Variants in CCDC91 observed in about 807,000 individuals in gnomAD.
CCDC91 encodes the protein coiled-coil domain containing 91.
CCDC91 carries 48 observed loss-of-function variants against 63.2 expected under a neutral mutation model. The ratio of observed to expected loss-of-function variants is 0.76; its 90% confidence interval spans 0.60 to 0.97. The LOEUF (loss-of-function observed/expected upper bound fraction) is 0.97. Among genes scored for constraint, CCDC91 ranks in the 50% least tolerant of loss-of-function variants. The pLI, the probability that CCDC91 is intolerant of heterozygous loss-of-function variation, is 0.00. For missense variants in CCDC91, 500 were observed against 494.6 expected (o/e 1.01, Z -0.10); for synonymous variants, 167 against 165.8 (o/e 1.01, Z -0.06).
chr12:28,377,078 T>A (rs941462879), intron 7 of CCDC91, among the ~76,000 whole-genome samples: 3 of 151,638 alleles, frequency 2.0e-5, no homozygotes, highest in African/African-American at 7.2e-5. Context: ...GTGTAAGGAA[T>A]CTCTTTTAAG....
intron 3 of CCDC91, among the ~76,000 whole-genome samples, chr12:28,274,720 A>G (rs1948069573): frequency 6.6e-6 from 1 of 152,170 alleles, no homozygotes; most frequent in African/African-American, 2.4e-5. Context: ...GAGGTTGCCT[A>G]TCAGCTTAAG....
At chr12:28,422,940 T>G (rs1254509756) in intron 8 of CCDC91, among the ~76,000 whole-genome samples, 1 of 150,870 alleles carries the variant, frequency 6.6e-6, no homozygotes, top group Non-Finnish European at 1.5e-5. Flanking sequence ...ATTCCAAGGT[T>G]GTTGTTGTTG....
intron 12 of CCDC91, among the ~76,000 whole-genome samples, chr12:28,547,691 A>C (rs1056085526): frequency 3.3e-5 from 5 of 152,134 alleles, no homozygotes; most frequent in African/African-American, 1.2e-4. Flanking sequence ...ATATAATAGA[A>C]TCTCCGAATA....
chr12:28,419,641 C>T (rs1187058717), intron 8 of CCDC91, among the ~76,000 whole-genome samples: 1 of 152,006 alleles, frequency 6.6e-6, no homozygotes, highest in Non-Finnish European at 1.5e-5. Context: ...AGAGGATAAC[C>T]ACCTGGAGAC....
At chr12:28,218,006 G>A (rs1437466305) in intron 1 of CCDC91, among the ~76,000 whole-genome samples, 3 of 151,986 alleles carry the variant, frequency 2.0e-5, no homozygotes, top group Non-Finnish European at 4.4e-5. Context: ...GTCCCCTCCT[G>A]TTCCAGTCTC....
chr12:28,227,998 T>A (rs1459848404), intron 1 of CCDC91, among the ~76,000 whole-genome samples: 1 of 152,042 alleles, frequency 6.6e-6, no homozygotes, highest in African/African-American at 2.4e-5. Context: ...TGGAACAAAG[T>A]AGTACACTCT....
At chr12:28,462,424 A>G (rs1950351517) in intron 11 of CCDC91, among the ~76,000 whole-genome samples, 1 of 152,082 alleles carries the variant, frequency 6.6e-6, no homozygotes, top group African/African-American at 2.4e-5. Flanking sequence ...ATATGGAACA[A>G]CTAGGTATTT....
At chr12:28,378,915 C>T (rs1166398966) in intron 7 of CCDC91, among the ~76,000 whole-genome samples, 1 of 151,960 alleles carries the variant, frequency 6.6e-6, no homozygotes, top group African/African-American at 2.4e-5. Context: ...CTCTGTGTTT[C>T]CTGGGCTTAG....
At chr12:28,473,786 C>T (rs1429245761) in intron 11 of CCDC91, among the ~76,000 whole-genome samples, 6 of 152,120 alleles carry the variant, frequency 3.9e-5, no homozygotes, top group Non-Finnish European at 8.8e-5. Context: ...CCGTCAATCT[C>T]ATCAAGCCCC....
intron 3 of CCDC91, among the ~76,000 whole-genome samples, chr12:28,266,414 T>G (rs1278148003): frequency 6.6e-6 from 1 of 152,006 alleles, no homozygotes; most frequent in Non-Finnish European, 1.5e-5. Context: ...CAGTTTAGTA[T>G]TTTATTTTCT....
chr12:28,509,578 C>A lies in CCDC91; in HGVS notation c.1215+25413C>A, dbSNP rs186254660. ...GTGACTTAAAGGGTTTTATTTATAT[C>A]ATTTTTTAAAGTTATCTTTAAAAAT... On this transcript the variant is annotated intron_variant, in intron 12 of 12. Coordinates refer to ENST00000536442, the MANE Select transcript of CCDC91 (RefSeq NM_018318.5). Among the ~76,000 whole-genome samples, 19 of 151,980 alleles carry A rather than the reference C, an allele frequency of 1.3e-4. No homozygotes were observed. In the East Asian group the frequency reaches 3.1e-3, roughly 25 times the overall value.
chr12:28,206,432 C>A (rs867465488), intron 1 of CCDC91, among the ~76,000 whole-genome samples: 1 of 152,108 alleles, frequency 6.6e-6, no homozygotes, highest in African/African-American at 2.4e-5. Flanking sequence ...CTAGAGATGG[C>A]TGCATGCAAA....
intron 7 of CCDC91, among the ~76,000 whole-genome samples, chr12:28,364,053 ATAG>A (rs1944105493): frequency 6.6e-6 from 1 of 151,256 alleles, no homozygotes; most frequent in Non-Finnish European, 1.5e-5. Flanking sequence ...CATACCCAAT[ATAG>A]TAGTTGATGC....
At chr12:28,516,679 G>A (rs911586776) in intron 12 of CCDC91, among the ~76,000 whole-genome samples, 2 of 151,868 alleles carry the variant, frequency 1.3e-5, no homozygotes, top group African/African-American at 2.4e-5. Context: ...TCAGGTCAAG[G>A]TGCTGGCATT....
intron 1 of CCDC91, among the ~76,000 whole-genome samples, chr12:28,202,955 T>C (rs1942577137): frequency 6.6e-6 from 1 of 152,218 alleles, no homozygotes; most frequent in East Asian, 1.9e-4. Context: ...TTATTGGCAC[T>C]GGACAAGCTC....
intron 1 of CCDC91, among the ~76,000 whole-genome samples, chr12:28,201,581 C>T (rs878941792): frequency 5.0e-5 from 7 of 140,654 alleles, no homozygotes; most frequent in East Asian, 2.1e-4. Flanking sequence ...ACGTCCCAGG[C>T]GATGGGCGGC....
At chr12:28,437,287 G>A (rs1052081655) in intron 8 of CCDC91, among the ~76,000 whole-genome samples, 1 of 151,734 alleles carries the variant, frequency 6.6e-6, no homozygotes. Context: ...CTAGCTTGAG[G>A]CATAGTTTTT....
At chr12:28,483,587 C>T (rs530625250) in intron 11 of CCDC91, among the ~76,000 whole-genome samples, 1 of 152,192 alleles carries the variant, frequency 6.6e-6, no homozygotes, top group Non-Finnish European at 1.5e-5. Flanking sequence ...ACATCTTAAT[C>T]TGGCAAGAGG....
chr12:28,529,638 C>T (rs750176208), intron 12 of CCDC91, among the ~76,000 whole-genome samples: 1 of 152,022 alleles, frequency 6.6e-6, no homozygotes, highest in Non-Finnish European at 1.5e-5. Flanking sequence ...AGATGGGGAA[C>T]AGGAATGTAT....
Sources: gnomAD v4.1 joint callset for allele counts (sites outside exome capture counted in the v4.1 genomes callset) on GRCh38, gnomAD v4.1.1 for gene constraint, MANE v1.5 for transcripts, NCBI Gene and HGNC (gene_info 2026-07-23, HGNC 2026-07-21) for gene names.